Variants in GALNT10 observed in about 807,000 individuals in gnomAD.
GALNT10 encodes the protein polypeptide N-acetylgalactosaminyltransferase 10, also known as GalNAc transferase 10.
GALNT10 carries 41 observed loss-of-function variants against 75.0 expected under a neutral mutation model. That is an observed-to-expected ratio of 0.55 (90% confidence interval 0.43 to 0.71). GALNT10 has a LOEUF of 0.71. Ranked by LOEUF, GALNT10 falls within the 30% of genes least tolerant of loss-of-function variation. The probability of loss-of-function intolerance (pLI) is 0.00; values close to 1 mark genes in which losing one functional copy is unlikely to be tolerated. For missense variants in GALNT10, 727 were observed against 818.5 expected (o/e 0.89, Z 1.36); for synonymous variants, 302 against 313.0 (o/e 0.96, Z 0.37).
chr5:154,385,235 C>A (rs144987229), intron 6 of GALNT10, among the ~76,000 whole-genome samples: 1 of 152,168 alleles, frequency 6.6e-6, no homozygotes, highest in Non-Finnish European at 1.5e-5. Context: ...ACACAGCAAA[C>A]GCTGGTTGGC....
intron 1 of GALNT10, among the ~76,000 whole-genome samples, chr5:154,278,235 A>G (rs1044962572): frequency 6.9e-6 from 1 of 144,720 alleles, no homozygotes; most frequent in African/African-American, 2.7e-5. Context: ...GCCAAGGGGA[A>G]GAATCATGTT....
At chr5:154,214,279 A>G (rs1182809897) in intron 1 of GALNT10, among the ~76,000 whole-genome samples, 1 of 152,106 alleles carries the variant, frequency 6.6e-6, no homozygotes. Flanking sequence ...TGGTTCTCCT[A>G]TTGAAAATTC....
At chr5:154,194,315 A>G (rs910886769) in intron 1 of GALNT10, among the ~76,000 whole-genome samples, 1 of 152,094 alleles carries the variant, frequency 6.6e-6, no homozygotes, top group South Asian at 2.1e-4. Context: ...CTCTTTTTTC[A>G]GTCTTCCTGG....
rs572419858 is a variant in GALNT10 at position 154,208,902 on chromosome 5, C to T, written c.159+17877C>T. Reference sequence around the variant, plus strand: ...TAACAGCACCCAAGGAAGAGGCCCCCGTAAGCTGAGATCCTGACTTTGTTG... The same window carrying T: ...TAACAGCACCCAAGGAAGAGGCCCCTGTAAGCTGAGATCCTGACTTTGTTG... On this transcript the variant is annotated intron_variant, in intron 1 of 11. Transcript: ENST00000297107. Among the ~76,000 whole-genome samples, 30 of 152,272 alleles carry T rather than the reference C, an allele frequency of 2.0e-4. 1 individual carries two copies. In the South Asian group the frequency reaches 5.6e-3, roughly 28 times the overall value.
chr5:154,212,947 G>T (rs189008425), intron 1 of GALNT10, among the ~76,000 whole-genome samples: 1 of 144,356 alleles, frequency 6.9e-6, no homozygotes, highest in African/African-American at 2.6e-5. Context: ...CAGCCTGGGC[G>T]ACAGAGTGAG....
At chr5:154,284,689 C>T (rs1032746045) in intron 1 of GALNT10, among the ~76,000 whole-genome samples, 1 of 152,168 alleles carries the variant, frequency 6.6e-6, no homozygotes, top group Non-Finnish European at 1.5e-5. Context: ...GTGAATTGCC[C>T]TCTTGGTACA....
At chr5:154,345,543 G>A (rs1176103813) in intron 4 of GALNT10, among the ~76,000 whole-genome samples, 1 of 151,006 alleles carries the variant, frequency 6.6e-6, no homozygotes, top group Non-Finnish European at 1.5e-5. Flanking sequence ...AGATCATGCG[G>A]TATTTATCTT....
chr5:154,317,183 C>G (rs889559800), intron 3 of GALNT10, among the ~76,000 whole-genome samples: 3 of 152,204 alleles, frequency 2.0e-5, no homozygotes, highest in Admixed American at 1.3e-4. Context: ...CCCTTAGGCA[C>G]ATACAATATT....
intron 1 of GALNT10, among the ~76,000 whole-genome samples, chr5:154,266,629 C>G (rs989192487): frequency 6.7e-6 from 1 of 148,746 alleles, no homozygotes; most frequent in East Asian, 2.0e-4. Context: ...AATTCTGGCA[C>G]TTTGGGAGGC....
At chr5:154,274,844 C>T (rs1168932067) in intron 1 of GALNT10, among the ~76,000 whole-genome samples, 2 of 152,214 alleles carry the variant, frequency 1.3e-5, no homozygotes, top group Non-Finnish European at 2.9e-5. Flanking sequence ...CCTCACTTGG[C>T]AACAGTTGGC....
At chr5:154,347,072 T>C (rs550382772) in intron 4 of GALNT10, 4 of 463,606 alleles carry the variant, frequency 8.6e-6, no homozygotes, top group African/African-American at 4.2e-5. Flanking sequence ...AATAATAATA[T>C]ATGAGAACAG....
At position 154,331,427 on chromosome 5, in the gene GALNT10, C is replaced by T. The variant is rs544698031; in HGVS notation, c.568+1689C>T. On this transcript the variant is annotated intron_variant, in intron 4 of 11. Transcript: ENST00000297107. Reference sequence around the variant, plus strand: ...TATATCTTTGATCCTGGCCCTGCTACATACTATCTCTGTGACCTTGACCCA... The same window carrying T: ...TATATCTTTGATCCTGGCCCTGCTATATACTATCTCTGTGACCTTGACCCA... 3.5e-4 allele frequency among the ~76,000 whole-genome samples: 54 copies of T among 152,336 alleles called. 1 individual carries two copies. Among genetic ancestry groups the T allele is most frequent in the Admixed American group, 2.2e-3 (34 of 15,310 alleles).
In GALNT10 at chr5:154,416,740, C is replaced by A. The variant is rs1756518875; in HGVS notation, c.1654-74C>A. The stretch of plus-strand genomic sequence containing the variant: ...CAGTCACTTCCTCACTTTCTCATTG[C>A]TGGTATTGTTGCTGTGGTTTGACTG... On this transcript the variant is annotated intron_variant, in intron 11 of 11. Transcript: ENST00000297107. This position sits in a 1 kb window ranked among gnomAD's most constrained non-coding sequence, Gnocchi z 4.5. 9.6e-7 allele frequency: 1 copy of A among 1,039,578 alleles called. No individual in the cohort carries two copies. The highest frequency in any genetic ancestry group is 1.5e-6 in the Non-Finnish European group (1 of 666,858). 64.4% of individuals were successfully genotyped at this position (1,039,578 alleles called of 1,614,324 possible).
intron 4 of GALNT10, among the ~76,000 whole-genome samples, chr5:154,346,143 T>TGTGC (rs1383888104): frequency 6.7e-6 from 1 of 148,718 alleles, no homozygotes; most frequent in African/African-American, 2.5e-5. Context: ...TGTGTGCGTG[T>TGTGC]GTGTGTGTGT....
chr5:154,303,549 A>G (rs1481006634), intron 3 of GALNT10, among the ~76,000 whole-genome samples: 2 of 152,208 alleles, frequency 1.3e-5, no homozygotes, highest in Non-Finnish European at 2.9e-5. Flanking sequence ...GGCCAAAAAT[A>G]GTTCCTCTTC....
At chr5:154,350,413 T>C (rs1755190023) in intron 4 of GALNT10, among the ~76,000 whole-genome samples, 1 of 152,206 alleles carries the variant, frequency 6.6e-6, no homozygotes, top group South Asian at 2.1e-4. Context: ...ACAGGCCAAA[T>C]TGGCAGTTTG....
intron 1 of GALNT10, among the ~76,000 whole-genome samples, chr5:154,279,911 T>A (rs1754014047): frequency 6.6e-6 from 1 of 152,136 alleles, no homozygotes; most frequent in Non-Finnish European, 1.5e-5. Flanking sequence ...AATCCAGCAA[T>A]CCCACTTCTG....
intron 7 of GALNT10, among the ~76,000 whole-genome samples, chr5:154,399,813 G>A (rs1756119709): frequency 6.6e-6 from 1 of 152,184 alleles, no homozygotes; most frequent in South Asian, 2.1e-4. Flanking sequence ...GAGTCTGGCA[G>A]GGCACAGAGG....
At position 154,415,813 on chromosome 5, in the gene GALNT10, C is replaced by T. The variant is rs1756492847; in HGVS notation, c.1534C>T (p.Arg512Trp). The T allele has an allele frequency of 4.3e-6, 7 of 1,613,956 alleles. No homozygotes were observed. The highest frequency in any genetic ancestry group is 2.2e-5 in the South Asian group (2 of 91,078). ...CACCTTCACCTGGAGAGAGGACATC[C>T]GGCCTGGAGACCCCCAGCACACCAA... is the stretch of plus-strand genomic sequence containing the variant. The part of the protein sequence containing the change: ...VFTFTWREDI[R>W]PGDPQHTKKF... The change falls in exon 11 of 12, where the codon CGG becomes TGG. Residue 512 changes from arginine (R) to tryptophan (W), a missense_variant. Physicochemically the swap from Arg to Trp is moderately radical, Grantham distance 101. Coordinates refer to ENST00000297107, the MANE Select transcript of GALNT10 (RefSeq NM_198321.4).
Sources: allele counts gnomAD v4.1 joint callset (sites outside exome capture counted in the v4.1 genomes callset), GRCh38; gene constraint gnomAD v4.1.1; non-coding constraint Gnocchi (gnomAD v3.1); transcripts MANE v1.5; gene names NCBI Gene and HGNC (gene_info 2026-07-23, HGNC 2026-07-21).